The following STXBP6 variants were observed in gnomAD, a reference collection of about 807,000 sequenced individuals.
STXBP6 encodes syntaxin binding protein 6, also known as syntaxin-binding protein 6.
Under a neutral mutation model 26.9 loss-of-function variants are expected in STXBP6, and 21 were observed. The ratio of observed to expected loss-of-function variants is 0.78; its 90% CI spans 0.55 to 1.12. The LOEUF is 1.12. Among genes scored for constraint, STXBP6 ranks in the 50% most tolerant of loss-of-function variants. STXBP6 has a pLI of 0.00. For synonymous variants in STXBP6, 97 were observed against 92.6 expected, an observed-to-expected ratio of 1.05 and a Z score of -0.27; for missense variants, 232 against 257.9, an observed-to-expected ratio of 0.90 and a Z score of 0.69.
chr14:25,025,089 AAG>A (rs2075325325), intron 1 of STXBP6, among the ~76,000 whole-genome samples: 1 of 152,330 alleles, frequency 6.6e-6, no homozygotes, highest in African/African-American at 2.4e-5. Context: ...ATTCATTAAA[AAG>A]AAAATGTGTT....
intron 2 of STXBP6, among the ~76,000 whole-genome samples, chr14:24,909,362 A>T (rs1296603355): frequency 6.6e-6 from 1 of 152,346 alleles, no homozygotes; most frequent in African/African-American, 2.4e-5. Flanking sequence ...ACAACAACCT[A>T]GATATTTTCC....
intron 1 of STXBP6, among the ~76,000 whole-genome samples, chr14:24,982,921 T>C (rs1159558987): frequency 1.3e-5 from 2 of 152,156 alleles, no homozygotes; most frequent in Non-Finnish European, 2.9e-5. Flanking sequence ...AAAAGCTACA[T>C]AGGATATGTC....
intron 1 of STXBP6, among the ~76,000 whole-genome samples, chr14:25,032,765 G>GT (rs1187756481): frequency 1.3e-5 from 2 of 152,200 alleles, no homozygotes; most frequent in African/African-American, 2.4e-5. Context: ...GAAGGTTAGT[G>GT]TTACTAGGCT....
chr14:24,911,250 T>C (rs1322741954), intron 2 of STXBP6, among the ~76,000 whole-genome samples: 1 of 151,868 alleles, frequency 6.6e-6, no homozygotes, highest in Non-Finnish European at 1.5e-5. Flanking sequence ...GGCAGGAGGA[T>C]CATTTGAGCC....
intron 2 of STXBP6, among the ~76,000 whole-genome samples, chr14:24,943,788 A>G (rs2072885879): frequency 6.6e-6 from 1 of 152,218 alleles, no homozygotes; most frequent in Non-Finnish European, 1.5e-5. Flanking sequence ...ACCTTTAAAT[A>G]AATCACTAAA....
intron 2 of STXBP6, among the ~76,000 whole-genome samples, chr14:24,899,398 G>C (rs2071119518): frequency 1.3e-5 from 2 of 152,096 alleles, no homozygotes; most frequent in Admixed American, 6.5e-5. Flanking sequence ...GAGAAATTAG[G>C]AGTGCTTTTT....
chr14:24,857,957 G>T (rs2069398872), intron 2 of STXBP6, among the ~76,000 whole-genome samples: 1 of 152,090 alleles, frequency 6.6e-6, no homozygotes, highest in South Asian at 2.1e-4. Context: ...GTAATTAATT[G>T]TCTTTAAAGG....
intron 1 of STXBP6, among the ~76,000 whole-genome samples, chr14:24,999,085 T>A (rs1429189946): frequency 2.0e-5 from 3 of 152,176 alleles, no homozygotes; most frequent in Admixed American, 6.5e-5. Context: ...AAACCAACTG[T>A]AAGTTAAAAA....
chr14:24,867,757 G>A (rs551911430), intron 2 of STXBP6, among the ~76,000 whole-genome samples: 3 of 152,170 alleles, frequency 2.0e-5, no homozygotes, highest in South Asian at 2.1e-4. Flanking sequence ...CTTGGGTTAC[G>A]GCAAAGATTT....
chr14:24,957,055 G>T (rs1250510731), intron 2 of STXBP6, among the ~76,000 whole-genome samples: 1 of 152,110 alleles, frequency 6.6e-6, no homozygotes, highest in Non-Finnish European at 1.5e-5. Context: ...TCTCTGATGT[G>T]CCAGGCACTG....
intron 1 of STXBP6, among the ~76,000 whole-genome samples, chr14:24,983,723 A>G (rs376542926): frequency 6.6e-6 from 1 of 152,220 alleles, no homozygotes; most frequent in Non-Finnish European, 1.5e-5. Flanking sequence ...AGCTTTTTAT[A>G]TTAGATATTT....
intron 1 of STXBP6, among the ~76,000 whole-genome samples, chr14:25,018,138 T>C (rs2075190447): frequency 6.6e-6 from 1 of 152,132 alleles, no homozygotes; most frequent in African/African-American, 2.4e-5. Flanking sequence ...TGTACTGCTT[T>C]TTTATCTTCC....
At chr14:24,905,161 C>T (rs2071344728) in intron 2 of STXBP6, among the ~76,000 whole-genome samples, 1 of 152,198 alleles carries the variant, frequency 6.6e-6, no homozygotes, top group South Asian at 2.1e-4. Context: ...ATAGAACCAT[C>T]TCAAATAGGA....
chr14:24,975,742 G>T (rs763423379), intron 1 of STXBP6, among the ~76,000 whole-genome samples: 1 of 152,220 alleles, frequency 6.6e-6, no homozygotes, highest in Admixed American at 6.5e-5. Context: ...TCTAAAAGTT[G>T]TACTTCCCCA....
chr14:25,009,368 C>T (rs1423724711), intron 1 of STXBP6, among the ~76,000 whole-genome samples: 7 of 152,126 alleles, frequency 4.6e-5, no homozygotes, highest in African/African-American at 1.4e-4. Flanking sequence ...TACTTGGGTT[C>T]CTTGTTTTTC....
rs138448841 is a variant in STXBP6, at chr14:24,963,291, G to T, written c.154+11374C>A. ...ATTAGCTAGAAAACAGACGAGGGCG[G>T]CTAATGCTTCCTTTCAGGAAGATGA... On this transcript the variant is annotated intron_variant, in intron 2 of 5. Coordinates refer to ENST00000323944, the MANE Select transcript of STXBP6 (RefSeq NM_001394410.1). Among the ~76,000 whole-genome samples the T allele has an allele frequency of 3.4e-3, 519 of 152,320 alleles. 1 individual carries two copies. The highest frequency in any genetic ancestry group is 0.011 in the African/African-American group (457 of 41,574).
At chr14:24,846,418 C>T (rs1459622482) in intron 4 of STXBP6, among the ~76,000 whole-genome samples, 2 of 152,124 alleles carry the variant, frequency 1.3e-5, no homozygotes, top group Admixed American at 1.3e-4. Flanking sequence ...CCTTTGAGAT[C>T]TCCATCTCAA....
intron 1 of STXBP6, among the ~76,000 whole-genome samples, chr14:25,040,820 T>A (rs1452785463): frequency 6.6e-6 from 1 of 152,204 alleles, no homozygotes. Flanking sequence ...GCAAAGGCTG[T>A]CCCTAAAGCC....
chr14:24,999,931 T>C (rs553859442), intron 1 of STXBP6, among the ~76,000 whole-genome samples: 1 of 152,326 alleles, frequency 6.6e-6, no homozygotes, highest in East Asian at 1.9e-4. Flanking sequence ...GATTTAGCTA[T>C]TTGGACAAAG....
Sources: gnomAD v4.1 joint callset for allele counts (sites outside exome capture counted in the v4.1 genomes callset) on GRCh38, gnomAD v4.1.1 for gene constraint, MANE v1.5 for transcripts, NCBI Gene and HGNC (gene_info 2026-07-23, HGNC 2026-07-21) for gene names.